Variants in IL17B observed in about 807,000 individuals in gnomAD.
IL17B encodes interleukin 17B, also known as interleukin-17B.
A neutral mutation model predicts 14.7 loss-of-function variants in IL17B; 14 were observed. The ratio of observed to expected loss-of-function variants is 0.95; its 90% confidence interval spans 0.63 to 1.49. The LOEUF (loss-of-function observed/expected upper bound fraction) is 1.49. IL17B is among the 40% of genes most tolerant of loss of function. The pLI, the probability that IL17B is intolerant of heterozygous loss-of-function variation, is 0.00. For synonymous variants in IL17B, 105 were observed against 94.8 expected, an observed-to-expected ratio of 1.11 and a Z score of -0.62; for missense variants, 233 against 252.8, an observed-to-expected ratio of 0.92 and a Z score of 0.53.
intron 1 of IL17B, among the ~76,000 whole-genome samples, chr5:149,391,003 TTC>T (rs1369835721): frequency 1.3e-5 from 2 of 152,100 alleles, no homozygotes; most frequent in Non-Finnish European, 2.9e-5. Context: ...GAGAACCTGA[TTC>T]TGTCACCCAG....
intron 2 of IL17B, 52 bp downstream of exon 2, chr5:149,376,684 C>T: frequency 2.6e-6 from 4 of 1,544,584 alleles, no homozygotes; most frequent in Non-Finnish European, 3.5e-6. Context: ...GACTGGGGCA[C>T]AGGAAAGGTC....
intron 1 of IL17B, among the ~76,000 whole-genome samples, chr5:149,388,570 T>C (rs1039685793): frequency 5.3e-5 from 8 of 152,314 alleles, no homozygotes; most frequent in Middle Eastern, 3.4e-3. Flanking sequence ...TTTGCGAATA[T>C]ACAGAGCAAA....
upstream of IL17B, among the ~76,000 whole-genome samples, chr5:149,381,403 A>G (rs1207025562): frequency 6.6e-6 from 1 of 152,060 alleles, no homozygotes; most frequent in Non-Finnish European, 1.5e-5. Context: ...CCTCCCACCC[A>G]TTTTACTACA....
chr5:149,403,260 A>AT (rs1412686361), intron 1 of IL17B, among the ~76,000 whole-genome samples: 1 of 151,526 alleles, frequency 6.6e-6, no homozygotes, highest in African/African-American at 2.4e-5. Context: ...AATTTTTTGT[A>AT]TTTTTTATAG....
chr5:149,384,500 G>A (rs1372605465), intron 1 of IL17B, among the ~76,000 whole-genome samples: 2 of 152,200 alleles, frequency 1.3e-5, no homozygotes, highest in Non-Finnish European at 2.9e-5. Context: ...AGCCAGTATA[G>A]ATTAATATTT....
intron 1 of IL17B, among the ~76,000 whole-genome samples, chr5:149,393,514 A>C (rs1463319652): frequency 6.6e-6 from 1 of 152,202 alleles, no homozygotes; most frequent in Non-Finnish European, 1.5e-5. Flanking sequence ...TAAATGAATA[A>C]ATACATGAGT....
Position 149,374,443 on chromosome 5 carries a change from GT to G in IL17B, c.468del (p.Pro157ArgfsTer52), listed in dbSNP as rs1203142210. On this transcript the variant is annotated frameshift_variant, in exon 3 of 3. Transcript: ENST00000261796. LOFTEE classifies it high-confidence loss of function. The surrounding 1 kb of genome is among the most constrained non-coding windows in gnomAD (Gnocchi z 5.0). ...QVPVRRRLCP[P>X]PPRTGPCRQR... is the part of the protein sequence containing the mutation. ...TGGCGGCAAGGCCCTGTGCGGGGCG[GT>G]GGCGGGCAGAGGCGGCGGCGCACAG... 3.1e-6 allele frequency: 5 copies of G among 1,610,268 alleles called. No homozygotes were observed. The highest frequency in any genetic ancestry group is 3.3e-5 in the Admixed American group (2 of 59,964).
chr5:149,404,181 A>T (rs1759269617), exon 1 of IL17B: 1 of 152,202 alleles, frequency 6.6e-6, no homozygotes, highest in South Asian at 2.1e-4. Context: ...GTCTGGAAAG[A>T]AAAGCCACTT....
intron 1 of IL17B, among the ~76,000 whole-genome samples, chr5:149,390,630 C>CAGAGAGAGAG (rs1554108482): frequency 2.3e-4 from 30 of 132,080 alleles, no homozygotes; most frequent in African/African-American, 8.1e-4. Flanking sequence ...CACACACACA[C>CAGAGAGAGAG]AGAGATACAC....
In IL17B at chr5:149,374,633, G is replaced by A; in HGVS notation, c.312-33C>T. On this transcript the variant is annotated intron_variant, in intron 2 of 2. Coordinates refer to ENST00000261796, the MANE Select transcript of IL17B (RefSeq NM_014443.3). This position sits in a 1 kb window ranked among gnomAD's most constrained non-coding sequence, Gnocchi z 5.0. ...GAGCAGAAGAAAGAGCAGAGCGGAA[G>A]GTGATCAGGAAAGGGCCAGTCAGCA... is the stretch of plus-strand genomic sequence containing the variant. 1 of 1,570,944 alleles carries A rather than the reference G, an allele frequency of 6.4e-7. No individual in the cohort carries two copies. Among genetic ancestry groups the A allele is most frequent in the Non-Finnish European group, 8.7e-7 (1 of 1,147,386 alleles).
chr5:149,399,817 A>C (rs1171357772), intron 1 of IL17B, among the ~76,000 whole-genome samples: 1 of 152,196 alleles, frequency 6.6e-6, no homozygotes, highest in Non-Finnish European at 1.5e-5. Context: ...CAGCTGCAAA[A>C]TGACCAGGGT....
chr5:149,391,851 T>C (rs1758975831), intron 1 of IL17B, among the ~76,000 whole-genome samples: 1 of 152,224 alleles, frequency 6.6e-6, no homozygotes, highest in South Asian at 2.1e-4. Context: ...GTCACTGTCG[T>C]GACCCCAGGA....
intron 1 of IL17B, among the ~76,000 whole-genome samples, chr5:149,403,071 T>TTGTTTTGTTC (rs1342125096): frequency 2.8e-5 from 1 of 35,944 alleles, no homozygotes; most frequent in Non-Finnish European, 6.5e-5. Flanking sequence ...TTGTTCTGTT[T>TTGTTTTGTTC]TGTTTTGTTT....
chr5:149,384,497 A>G (rs1446186967), intron 1 of IL17B, among the ~76,000 whole-genome samples: 1 of 152,214 alleles, frequency 6.6e-6, no homozygotes, highest in African/African-American at 2.4e-5. Context: ...AAGAGCCAGT[A>G]TAGATTAATA....
intron 1 of IL17B, among the ~76,000 whole-genome samples, chr5:149,395,200 CT>C (rs577667701): frequency 1.2e-3 from 176 of 152,218 alleles, no homozygotes; most frequent in African/African-American, 4.0e-3. Flanking sequence ...TGATCTCTCT[CT>C]TTTTTTAATG....
At chr5:149,397,563 T>C (rs561417924) in intron 1 of IL17B, among the ~76,000 whole-genome samples, 52 of 152,332 alleles carry the variant, frequency 3.4e-4, no homozygotes, top group African/African-American at 1.1e-3. Context: ...TCCCTTCCAT[T>C]GTGTTGTAAG....
chr5:149,390,351 T>A (rs1050343639), intron 1 of IL17B, among the ~76,000 whole-genome samples: 13 of 151,996 alleles, frequency 8.6e-5, no homozygotes, highest in African/African-American at 2.9e-4. Context: ...GGGATCATTA[T>A]GAAGATGAAA....
intron 1 of IL17B, among the ~76,000 whole-genome samples, chr5:149,397,588 G>C: frequency 6.6e-6 from 1 of 152,166 alleles, no homozygotes. Flanking sequence ...ACAATAAAAA[G>C]AAATGCTATT....
rs869136623 is a variant in IL17B at position 149,390,226 on chromosome 5, CT to C, written n.96-13202del. 6.7e-3 allele frequency among the ~76,000 whole-genome samples: 999 copies of C among 148,654 alleles called. 22 individuals are homozygous for C. The highest frequency in any genetic ancestry group is 0.021 in the African/African-American group (880 of 41,184). On this transcript the variant is annotated intron_variant and non_coding_transcript_variant, in intron 1 of 2. Coordinates refer to the IL17B transcript ENST00000505432. ...ATTACTGGTATTAGTGACCCCCCCC[CT>C]CCCTGTCCCTGGGGAAAGATGGGTC...
Sources: gnomAD v4.1 joint callset for allele counts (sites outside exome capture counted in the v4.1 genomes callset) on GRCh38, gnomAD v4.1.1 for gene constraint, Gnocchi (gnomAD v3.1) non-coding constraint, MANE v1.5 for transcripts, NCBI Gene and HGNC (gene_info 2026-07-23, HGNC 2026-07-21) for gene names.